KSR2: variants seen among roughly 807,000 people sequenced by gnomAD.
KSR2 encodes the protein kinase suppressor of ras 2.
A neutral mutation model predicts 107.8 loss-of-function variants in KSR2; 25 were observed. The observed-to-expected ratio is 0.23, with a 90% CI of 0.17 to 0.32. The LOEUF is 0.32. Ranked by LOEUF, KSR2 falls within the 10% of genes least tolerant of loss-of-function variation. The pLI is 1.00. For missense variants in KSR2, 887 were observed against 1,268.9 expected (o/e 0.70, Z 4.57); for synonymous variants, 480 against 507.0 (o/e 0.95, Z 0.71).
intron 14 of KSR2, among the ~76,000 whole-genome samples, chr12:117,522,267 C>A (rs749152463): frequency 3.3e-5 from 5 of 152,044 alleles, no homozygotes; most frequent in Non-Finnish European, 5.9e-5. Context: ...TTCCAACTTG[C>A]TAGCCTTTGA....
At position 117,727,621 on chromosome 12, in the gene KSR2, C is replaced by T. The variant is rs372945630; in HGVS notation, c.986+33390G>A. ...TAGCCTCAAGACAAGGAAGGAACACCAAGTATTGCCAGGAGCCATCAGAAG... is the reference window on the plus strand; with the variant it reads ...TAGCCTCAAGACAAGGAAGGAACACTAAGTATTGCCAGGAGCCATCAGAAG... On this transcript the variant is annotated intron_variant, in intron 4 of 19. Transcript: ENST00000339824. Among the ~76,000 whole-genome samples, 13 of 151,930 alleles carry T rather than the reference C, an allele frequency of 8.6e-5. No individual in the cohort carries two copies. In the South Asian group the frequency reaches 1.7e-3, roughly 19 times the overall value.
chr12:117,652,969 G>GA (rs1883965800), intron 5 of KSR2, among the ~76,000 whole-genome samples: 1 of 152,218 alleles, frequency 6.6e-6, no homozygotes, highest in South Asian at 2.1e-4. Context: ...GTAGGATGAG[G>GA]ACTATTTTAG....
rs544459645 is a variant in KSR2, at chr12:117,731,380, G to A, written c.986+29631C>T. On this transcript the variant is annotated intron_variant, in intron 4 of 19. Transcript: ENST00000339824. Reference sequence around the variant, plus strand: ...CCGCCCTGTCTGGGAAGTGAGGAGCGTCTCCGCCCAGCAGCCGCCCCGTCC... The same window carrying A: ...CCGCCCTGTCTGGGAAGTGAGGAGCATCTCCGCCCAGCAGCCGCCCCGTCC... 2.0e-3 allele frequency among the ~76,000 whole-genome samples: 294 copies of A among 145,488 alleles called. 4 individuals carry two copies. Among genetic ancestry groups the A allele is most frequent in the African/African-American group, 7.4e-3 (284 of 38,152 alleles).
chr12:117,958,235 A>G (rs1896570333), intron 1 of KSR2, among the ~76,000 whole-genome samples: 1 of 152,172 alleles, frequency 6.6e-6, no homozygotes, highest in African/African-American at 2.4e-5. Flanking sequence ...GACCTGAGAC[A>G]ACAGCCTCCT....
intron 1 of KSR2, among the ~76,000 whole-genome samples, chr12:117,961,144 T>C (rs1012607930): frequency 1.3e-5 from 2 of 152,264 alleles, no homozygotes; most frequent in Middle Eastern, 3.4e-3. Context: ...CTCCATTTTC[T>C]TTGCAGTGTT....
Position 117,524,866 on chromosome 12 carries a change from C to G in KSR2, c.2205G>C (p.Leu735=), listed in dbSNP as rs535401374. 6.2e-7 allele frequency: 1 copy of G among 1,609,996 alleles called. No homozygotes were observed. The highest frequency in any genetic ancestry group is 8.5e-7 in the Non-Finnish European group (1 of 1,178,042). ...GTGGAACTGACCTGGTGATGATGGC[C>G]AGGTGAGGCGGGCTCATGCAGGCAC... ...FMGACMSPPH[L]AIITSLCKGR... Residue 735 remains leucine, a synonymous_variant, in exon 14 of 20, where the codon CTG becomes CTC. Coordinates refer to ENST00000339824, the MANE Select transcript of KSR2 (RefSeq NM_173598.6).
intron 16 of KSR2, among the ~76,000 whole-genome samples, chr12:117,478,844 T>C (rs1487109248): frequency 1.3e-5 from 2 of 152,266 alleles, no homozygotes; most frequent in South Asian, 2.1e-4. Flanking sequence ...TAGACTATTA[T>C]ATATTAAGAA....
At chr12:117,596,712 C>T (rs1048098550) in intron 5 of KSR2, among the ~76,000 whole-genome samples, 37 of 152,088 alleles carry the variant, frequency 2.4e-4, no homozygotes, top group African/African-American at 7.5e-4. Flanking sequence ...ATAGACAATG[C>T]CCCACTGGGT....
chr12:117,791,926 A>G (rs1530541), intron 3 of KSR2, among the ~76,000 whole-genome samples: 84,989 of 152,072 alleles, frequency 0.56, 24,901 homozygotes, highest in East Asian at 0.77. Context: ...ACTCCCAAAA[A>G]ACAGATTGCA....
At chr12:117,588,620 C>T (rs887198856) in intron 5 of KSR2, among the ~76,000 whole-genome samples, 2 of 152,108 alleles carry the variant, frequency 1.3e-5, no homozygotes, top group African/African-American at 4.8e-5. Context: ...CTTACATGGC[C>T]CTGAGAGATC....
intron 7 of KSR2, among the ~76,000 whole-genome samples, chr12:117,561,212 C>T (rs1049868765): frequency 6.6e-6 from 1 of 152,108 alleles, no homozygotes; most frequent in Non-Finnish European, 1.5e-5. Flanking sequence ...CTGAGTTAGA[C>T]TGGGAAAAGT....
intron 12 of KSR2, among the ~76,000 whole-genome samples, 161 bp from the exon 13 acceptor site, chr12:117,527,280 GACACACACACACAC>G (rs59836858): frequency 8.0e-6 from 1 of 124,468 alleles, no homozygotes; most frequent in Non-Finnish European, 1.7e-5. Flanking sequence ...CCATAACCTC[GACACACACACACAC>G]ACACACAGAC....
chr12:117,484,910 T>C (rs1046894428), intron 15 of KSR2, among the ~76,000 whole-genome samples: 2 of 152,202 alleles, frequency 1.3e-5, no homozygotes, highest in Non-Finnish European at 2.9e-5. Flanking sequence ...CAAGACTAGA[T>C]AGTCAGATCT....
In KSR2 at chr12:117,950,749, A is replaced by ATAAATAATAATAAT. The variant is rs60499991; in HGVS notation, c.180+17326_180+17327insATTATTATTATTTA. 2.7e-3 allele frequency among the ~76,000 whole-genome samples: 361 copies of ATAAATAATAATAAT among 132,146 alleles called. 2 individuals carry two copies. The highest frequency in any genetic ancestry group is 0.01 in the African/African-American group (344 of 34,264). 86.7% of individuals were successfully genotyped at this position (132,146 alleles called of 152,430 possible). On this transcript the variant is annotated intron_variant, in intron 1 of 19. Coordinates refer to ENST00000339824, the MANE Select transcript of KSR2 (RefSeq NM_173598.6). ...GAGCAAGACTCTGTAAAAAAAAAAA[A>ATAAATAATAATAAT]AATAATAATAATAATAATAATGATA...
At chr12:117,701,713 C>A (rs1289026666) in intron 4 of KSR2, among the ~76,000 whole-genome samples, 1 of 152,050 alleles carries the variant, frequency 6.6e-6, no homozygotes, top group Admixed American at 6.5e-5. Context: ...GACATAGACA[C>A]AAGAGGAGAA....
chr12:117,604,136 A>T (rs1321261089), intron 5 of KSR2, among the ~76,000 whole-genome samples: 1 of 152,236 alleles, frequency 6.6e-6, no homozygotes, highest in Non-Finnish European at 1.5e-5. Flanking sequence ...CATGCGGCTC[A>T]GCTGCACATG....
chr12:117,837,950 T>C (rs1272152370), intron 3 of KSR2, among the ~76,000 whole-genome samples: 1 of 152,130 alleles, frequency 6.6e-6, no homozygotes, highest in Non-Finnish European at 1.5e-5. Context: ...ATTCGGAGTG[T>C]AGGGCAACCC....
chr12:117,804,690 G>A (rs1890954766), intron 3 of KSR2, among the ~76,000 whole-genome samples: 1 of 152,126 alleles, frequency 6.6e-6, no homozygotes, highest in African/African-American at 2.4e-5. Flanking sequence ...TAAGCGTTGT[G>A]TTTCCTGCAG....
chr12:117,787,347 A>G (rs997787976), intron 3 of KSR2, among the ~76,000 whole-genome samples: 1 of 152,296 alleles, frequency 6.6e-6, no homozygotes, highest in Non-Finnish European at 1.5e-5. Flanking sequence ...GAAGAAAGCC[A>G]GTAGGCCAGG....
Sources: gnomAD v4.1 joint callset for allele counts (sites outside exome capture counted in the v4.1 genomes callset) on GRCh38, gnomAD v4.1.1 for gene constraint, MANE v1.5 for transcripts, NCBI Gene and HGNC (gene_info 2026-07-23, HGNC 2026-07-21) for gene names.